NOD1: variants seen among roughly 807,000 people sequenced by gnomAD.
NOD1 encodes nucleotide-binding oligomerization domain-containing protein 1.
Under a neutral mutation model 81.2 loss-of-function variants are expected in NOD1, and 70 were observed. That is an observed-to-expected ratio of 0.86 (90% CI 0.71 to 1.05). The LOEUF is 1.05. NOD1 is among the 50% of genes least tolerant of loss of function. NOD1 has a pLI of 0.00. For synonymous variants in NOD1, 508 were observed against 526.9 expected (o/e 0.96, Z 0.49); for missense variants, 1,233 against 1,228.0 (o/e 1.00, Z -0.06).
At chr7:30,475,077 G>A (rs188232307) in intron 1 of NOD1, among the ~76,000 whole-genome samples, 121 of 152,336 alleles carry the variant, frequency 7.9e-4, no homozygotes, top group Non-Finnish European at 1.3e-3. Context: ...AGCAGGGGAA[G>A]TTCTTACTCA....
At chr7:30,476,423 T>C (rs1788788671) in intron 1 of NOD1, among the ~76,000 whole-genome samples, 1 of 152,304 alleles carries the variant, frequency 6.6e-6, no homozygotes, top group Non-Finnish European at 1.5e-5. Context: ...GCATCAGCAA[T>C]TGTAGAATTT....
intron 7 of NOD1, chr7:30,447,881 G>GAC (rs1190658801): frequency 5.7e-6 from 1 of 176,894 alleles, no homozygotes; most frequent in Non-Finnish European, 1.2e-5. Flanking sequence ...CACTGCCTTA[G>GAC]ACCCCTGCGG....
chr7:30,430,065 G>A (rs772712458), intron 12 of NOD1, among the ~76,000 whole-genome samples: 6 of 152,132 alleles, frequency 3.9e-5, no homozygotes, highest in African/African-American at 4.8e-5. Flanking sequence ...ACAACAAATT[G>A]TAAGAAACAC....
rs1472971891 is a variant in NOD1 at position 30,425,454 on chromosome 7, G to GTACT, written c.*180_*183dup. 14 of 615,102 alleles carry GTACT rather than the reference G, an allele frequency of 2.3e-5. No homozygotes were observed. Among genetic ancestry groups the GTACT allele is most frequent in the Non-Finnish European group, 3.5e-5 (12 of 341,816 alleles). 38.1% of individuals were successfully genotyped at this position (615,102 alleles called of 1,614,324 possible). A position where few individuals can be genotyped will look rare whatever the true frequency, so the allele number is the denominator to read the frequency against. On this transcript the variant is annotated 3_prime_UTR_variant, in exon 14 of 14. Transcript: ENST00000222823. ...TTCTTTTTCTGCAGAATTGTAGCGG[G>GTACT]TACTTAGGGAGTTTGCCGACCAGAC...
intron 12 of NOD1, among the ~76,000 whole-genome samples, chr7:30,430,815 T>C (rs1442117005): frequency 1.3e-5 from 2 of 152,224 alleles, no homozygotes; most frequent in African/African-American, 4.8e-5. Flanking sequence ...ACAGGACCAC[T>C]GGTGGCTGGG....
Position 30,436,052 on chromosome 7 carries a change from C to G in NOD1, c.2567G>C (p.Gly856Ala). ...CAGGGCCCTCGCAAGGCTCTTTCCTCCTTCTGTGGAGATGCCGTTGGACGC... is the reference window on the plus strand; with the variant it reads ...CAGGGCCCTCGCAAGGCTCTTTCCTGCTTCTGTGGAGATGCCGTTGGACGC... ...SLASNGISTE[G>A]GKSLARALQQ... Residue 856 changes from glycine to alanine, a missense_variant, in exon 11 of 14, where the codon GGA (glycine) becomes GCA (alanine). Gly to Ala is a moderately conservative substitution (Grantham distance 60). Coordinates refer to ENST00000222823, the MANE Select transcript of NOD1 (RefSeq NM_006092.4). 1.2e-6 allele frequency: 2 copies of G among 1,614,178 alleles called. No homozygotes were observed. The highest frequency in any genetic ancestry group is 1.7e-6 in the Non-Finnish European group (2 of 1,179,990).
intron 1 of NOD1, among the ~76,000 whole-genome samples, chr7:30,464,953 A>G (rs1232720986): frequency 2.0e-5 from 3 of 152,210 alleles, no homozygotes; most frequent in Non-Finnish European, 4.4e-5. Flanking sequence ...GGTCATTGTT[A>G]CCGCCAATTT....
At chr7:30,433,940 T>TA (rs1190879470) in intron 11 of NOD1, among the ~76,000 whole-genome samples, 8 of 152,366 alleles carry the variant, frequency 5.3e-5, no homozygotes, top group African/African-American at 1.9e-4. Context: ...CAAAGCTTTA[T>TA]ACATTGCAGC....
intron 9 of NOD1, among the ~76,000 whole-genome samples, chr7:30,445,446 A>T (rs1279966876): frequency 1.3e-5 from 2 of 152,122 alleles, no homozygotes; most frequent in East Asian, 1.9e-4. Context: ...GCAATGGAGT[A>T]TTACTCAGCC....
intron 1 of NOD1, among the ~76,000 whole-genome samples, chr7:30,461,227 G>C (rs1401640085): frequency 6.6e-6 from 1 of 152,148 alleles, no homozygotes; most frequent in Non-Finnish European, 1.5e-5. Context: ...GCCCAGGCTG[G>C]AGTGCGGTGG....
At chr7:30,471,218 G>A (rs942074611) in intron 1 of NOD1, among the ~76,000 whole-genome samples, 4 of 152,186 alleles carry the variant, frequency 2.6e-5, no homozygotes, top group South Asian at 2.1e-4. Flanking sequence ...ACCCTGAGTG[G>A]CATTAAGAGG....
At chr7:30,431,548 GATA>G (rs1301125680) in intron 12 of NOD1, among the ~76,000 whole-genome samples, 2 of 152,238 alleles carry the variant, frequency 1.3e-5, no homozygotes, top group Non-Finnish European at 2.9e-5. Flanking sequence ...AATAGGAAAA[GATA>G]ATCTGTTCAA....
chr7:30,460,764 C>G, intron 1 of NOD1: 1 of 836,132 alleles, frequency 1.2e-6, no homozygotes, highest in Non-Finnish European at 1.4e-6. Context: ...TCCTCTCAAC[C>G]GCTCTTCTTT....
chr7:30,446,302 A>C, intron 8 of NOD1, 78 bp from the exon 9 acceptor site: 1 of 972,026 alleles, frequency 1.0e-6, no homozygotes, highest in East Asian at 2.4e-5. Context: ...CCCAGCACAG[A>C]GCCCCTTCCA....
chr7:30,435,951 C>A (rs1371760639), intron 11 of NOD1, 47 bp downstream of exon 11: 10 of 1,488,444 alleles, frequency 6.7e-6, no homozygotes, highest in African/African-American at 2.8e-5. Context: ...AAGCAAGACC[C>A]TATCACAGAA....
chr7:30,433,251 C>T lies in NOD1; in HGVS notation c.2622-72G>A, dbSNP rs558959456. On this transcript the variant is annotated intron_variant, in intron 11 of 13. Transcript: ENST00000222823. ...GACATTGTTTTAGAGTTCACAGGAG[C>T]GGGAGCTCAGCCCAAGGCTCTCCAG... The T allele has an allele frequency of 2.3e-4, 284 of 1,236,408 alleles. 6 individuals are homozygous for T. In the South Asian group the frequency reaches 3.3e-3, roughly 14 times the overall value. The allele number at this position is 1,236,408 out of a possible 1,614,324, so 76.6% of individuals were successfully genotyped here. A position where few individuals can be genotyped will look rare whatever the true frequency, so the allele number is the denominator to read the frequency against.
In NOD1 at chr7:30,451,966, T is replaced by G; in HGVS notation, c.1451A>C (p.Gln484Pro). The change falls in exon 6 of 14, where the codon CAG (glutamine) becomes CCG (proline). Residue 484 changes from glutamine (Q) to proline (P), a missense_variant. Physicochemically the swap from Gln to Pro is moderately conservative, Grantham distance 76. Coordinates refer to ENST00000222823, the MANE Select transcript of NOD1 (RefSeq NM_006092.4). The surrounding 1 kb of genome is among the most constrained non-coding windows in gnomAD (Gnocchi z 4.2). ...SLFVFTQEEV[Q>P]ASGLQERDMQ... Reference sequence around the variant, plus strand: ...GTCTCTCTCCTGCAGCCCGGAGGCCTGCACCTCCTCCTGGGTGAAGACAAA... The same window carrying G: ...GTCTCTCTCCTGCAGCCCGGAGGCCGGCACCTCCTCCTGGGTGAAGACAAA... 6.2e-7 allele frequency: 1 copy of G among 1,613,532 alleles called. No individual in the cohort carries two copies.
Position 30,448,290 on chromosome 7 carries a change from A to T in NOD1, c.2285+8T>A. Reference sequence around the variant, plus strand: ...GTAGTTGGCCCAGTGTTCTGGAGAAAGACATACCCCAAATAGGTCACAATT... The same window carrying T: ...GTAGTTGGCCCAGTGTTCTGGAGAATGACATACCCCAAATAGGTCACAATT... On this transcript the variant is annotated splice_region_variant and intron_variant, in intron 7 of 13. Transcript: ENST00000222823. 1 of 1,609,844 alleles carries T rather than the reference A, an allele frequency of 6.2e-7. No individual in the cohort carries two copies. Among genetic ancestry groups the T allele is most frequent in the African/African-American group, 1.3e-5 (1 of 74,956 alleles).
In NOD1 at chr7:30,467,344, G is replaced by GT. The variant is rs55720335; in HGVS notation, c.-351-7304dup. 0.24 allele frequency among the ~76,000 whole-genome samples: 35,895 copies of GT among 147,868 alleles called. 4,717 individuals are homozygous for GT. The highest frequency in any genetic ancestry group is 0.36 in the East Asian group (1,839 of 5,076). On this transcript the variant is annotated intron_variant, in intron 1 of 13. Transcript: ENST00000222823. The surrounding 1 kb of genome is among the most constrained non-coding windows in gnomAD (Gnocchi z 4.5). The stretch of plus-strand genomic sequence containing the variant: ...GTAGGGTAGGACTTTTATTCGTAAT[G>GT]TTTTTTTTTTTATAAGAAGGCTATA...
Sources: gnomAD v4.1 joint callset for allele counts (sites outside exome capture counted in the v4.1 genomes callset) on GRCh38, gnomAD v4.1.1 for gene constraint, Gnocchi (gnomAD v3.1) non-coding constraint, MANE v1.5 for transcripts, NCBI Gene and HGNC (gene_info 2026-07-23, HGNC 2026-07-21) for gene names.